Variants in FBXW11 observed in about 807,000 individuals in gnomAD.
FBXW11 encodes F-box and WD repeat domain containing 11.
A neutral mutation model predicts 77.6 loss-of-function variants in FBXW11; 19 were observed. That is an observed-to-expected ratio of 0.24 (90% CI 0.17 to 0.36). The LOEUF (loss-of-function observed/expected upper bound fraction) is 0.36. Among genes scored for constraint, FBXW11 ranks in the 10% least tolerant of loss-of-function variants. FBXW11 has a pLI of 1.00. For synonymous variants in FBXW11, 235 were observed against 249.4 expected, an observed-to-expected ratio of 0.94 and a Z score of 0.54; for missense variants, 334 against 704.2, an observed-to-expected ratio of 0.47 and a Z score of 5.95.
At chr5:171,902,302 T>C (rs376496303) in intron 4 of FBXW11, among the ~76,000 whole-genome samples, 1 of 152,238 alleles carries the variant, frequency 6.6e-6, no homozygotes, top group East Asian at 1.9e-4. Context: ...CATAAAGTTG[T>C]ATTGCAATTT....
chr5:171,896,737 G>T (rs1372433987), intron 6 of FBXW11, among the ~76,000 whole-genome samples: 12 of 152,156 alleles, frequency 7.9e-5, no homozygotes, highest in Admixed American at 5.2e-4. Context: ...GCACCTTGTT[G>T]TAAGAATAAA....
chr5:171,939,162 G>A (rs562761635), intron 2 of FBXW11, among the ~76,000 whole-genome samples: 4 of 152,036 alleles, frequency 2.6e-5, no homozygotes, highest in Admixed American at 1.3e-4. Context: ...ACTTGAACCC[G>A]GGAGGCAGAG....
Position 172,006,637 on chromosome 5 carries a change from G to A in FBXW11, c.-135C>T. 1 of 1,298,704 alleles carries A rather than the reference G, an allele frequency of 7.7e-7. No homozygotes were observed. Among genetic ancestry groups the A allele is most frequent in the African/African-American group, 1.6e-5 (1 of 64,490 alleles). 80.4% of individuals were successfully genotyped at this position (1,298,704 alleles called of 1,614,324 possible). A position where few individuals can be genotyped will look rare whatever the true frequency, so the allele number is the denominator to read the frequency against. ...AGCTGCCAGCCCGCCCGGGCCGCCG[G>A]CAGCTCCGCCCTCCCCCTCGGCGAA... On this transcript the variant is annotated 5_prime_UTR_variant, in exon 1 of 14. Transcript: ENST00000517395.
At chr5:171,946,101 G>A (rs1039354085) in intron 2 of FBXW11, among the ~76,000 whole-genome samples, 1 of 152,162 alleles carries the variant, frequency 6.6e-6, no homozygotes, top group Admixed American at 6.5e-5. Context: ...AGGCCTAAGA[G>A]AAAAGACTGG....
intron 6 of FBXW11, among the ~76,000 whole-genome samples, chr5:171,898,713 T>C (rs955667462): frequency 6.6e-6 from 1 of 152,120 alleles, no homozygotes; most frequent in Non-Finnish European, 1.5e-5. Context: ...TTTTGGAAAA[T>C]TTATCAGCTT....
chr5:171,951,000 C>A (rs1763284052), intron 2 of FBXW11, among the ~76,000 whole-genome samples: 1 of 151,904 alleles, frequency 6.6e-6, no homozygotes, highest in South Asian at 2.1e-4. Context: ...TGATAAAGAA[C>A]AAAATGTTAA....
chr5:171,894,889 CAAATG>C (rs1212861783), intron 6 of FBXW11, among the ~76,000 whole-genome samples: 1 of 152,094 alleles, frequency 6.6e-6, no homozygotes, highest in East Asian at 1.9e-4. Context: ...ATGGTGCCAG[CAAATG>C]GTAGCAGTTA....
chr5:171,993,242 T>C (rs1261753164), intron 1 of FBXW11, among the ~76,000 whole-genome samples: 1 of 151,934 alleles, frequency 6.6e-6, no homozygotes, highest in African/African-American at 2.4e-5. Context: ...TTGGCTTGAG[T>C]CTTCAGGTCT....
At chr5:171,925,194 C>T (rs1166642244) in intron 2 of FBXW11, among the ~76,000 whole-genome samples, 1 of 152,158 alleles carries the variant, frequency 6.6e-6, no homozygotes, top group African/African-American at 2.4e-5. Flanking sequence ...ACCACACACA[C>T]ACTAGGTATA....
chr5:171,992,870 C>T (rs1302599793), intron 1 of FBXW11, among the ~76,000 whole-genome samples: 1 of 151,934 alleles, frequency 6.6e-6, no homozygotes, highest in Non-Finnish European at 1.5e-5. Flanking sequence ...ACTGAACTCA[C>T]TTTAATATAA....
chr5:171,884,456 G>C (rs1490684569), intron 7 of FBXW11, among the ~76,000 whole-genome samples: 1 of 152,150 alleles, frequency 6.6e-6, no homozygotes, highest in Admixed American at 6.5e-5. Flanking sequence ...CTATAGTATA[G>C]TTTGAAATCA....
chr5:171,907,120 G>T (rs915440367), intron 4 of FBXW11, among the ~76,000 whole-genome samples: 2 of 152,136 alleles, frequency 1.3e-5, no homozygotes, highest in African/African-American at 4.8e-5. Flanking sequence ...AATTGACATT[G>T]CAGACTAAAC....
At chr5:171,929,385 A>G (rs1762048152) in intron 2 of FBXW11, among the ~76,000 whole-genome samples, 1 of 152,132 alleles carries the variant, frequency 6.6e-6, no homozygotes, top group African/African-American at 2.4e-5. Flanking sequence ...AAATAATAAT[A>G]AACCAATCAA....
At chr5:171,960,954 C>T (rs898454016) in intron 1 of FBXW11, among the ~76,000 whole-genome samples, 3 of 152,172 alleles carry the variant, frequency 2.0e-5, no homozygotes, top group African/African-American at 7.2e-5. Context: ...ATTTTCTCTT[C>T]ATAATATCTA....
intron 1 of FBXW11, among the ~76,000 whole-genome samples, chr5:171,995,179 C>T (rs1372356295): frequency 1.3e-5 from 2 of 152,142 alleles, no homozygotes; most frequent in East Asian, 1.9e-4. Flanking sequence ...CAATGCCTTA[C>T]TTGTAAGGAT....
chr5:171,875,181 C>T (rs979189413), intron 9 of FBXW11, among the ~76,000 whole-genome samples: 14 of 151,414 alleles, frequency 9.2e-5, no homozygotes, highest in Non-Finnish European at 1.8e-4. Flanking sequence ...CTTTGGGAGG[C>T]CAAGGACTGC....
chr5:171,951,872 C>T (rs772609557), intron 2 of FBXW11, among the ~76,000 whole-genome samples: 2 of 151,940 alleles, frequency 1.3e-5, no homozygotes, highest in Non-Finnish European at 2.9e-5. Context: ...TTTTAAAATG[C>T]CCCAAGAAAA....
At chr5:171,958,148 T>C (rs1412415747) in intron 1 of FBXW11, among the ~76,000 whole-genome samples, 1 of 152,210 alleles carries the variant, frequency 6.6e-6, no homozygotes, top group African/African-American at 2.4e-5. Context: ...ATTTGTTCTC[T>C]AATCCTCATA....
intron 2 of FBXW11, among the ~76,000 whole-genome samples, chr5:171,935,226 G>A (rs1009708494): frequency 4.6e-5 from 7 of 152,228 alleles, no homozygotes; most frequent in Non-Finnish European, 8.8e-5. Context: ...CAAAGTGCTG[G>A]GATTACAGGC....
Sources: gnomAD v4.1 joint callset for allele counts (sites outside exome capture counted in the v4.1 genomes callset) on GRCh38, gnomAD v4.1.1 for gene constraint, MANE v1.5 for transcripts, NCBI Gene and HGNC (gene_info 2026-07-23, HGNC 2026-07-21) for gene names.